The following WDFY3 variants were observed in gnomAD, a reference collection of about 807,000 sequenced individuals.
WDFY3 encodes the protein WD repeat and FYVE domain containing 3.
Under a neutral mutation model 409.6 loss-of-function variants are expected in WDFY3, and 66 were observed. The ratio of observed to expected loss-of-function variants is 0.16; its 90% CI spans 0.13 to 0.20. The LOEUF is 0.20. WDFY3 is among the 10% of genes least tolerant of loss of function. The pLI is 1.00. For missense variants in WDFY3, 3,031 were observed against 4,298.1 expected (o/e 0.71, Z 8.24); for synonymous variants, 1,521 against 1,537.1 (o/e 0.99, Z 0.25).
In WDFY3 at chr4:84,732,685, C is replaced by T. The variant is rs75805711; in HGVS notation, c.7221+697G>A. Among the ~76,000 whole-genome samples, 1,280 of 152,138 alleles carry T rather than the reference C, an allele frequency of 8.4e-3. 21 individuals are homozygous for T. Among genetic ancestry groups the T allele is most frequent in the African/African-American group, 0.029 (1,202 of 41,534 alleles). ...ACATAATGTCCTCCAGGTTCTTATA[C>T]GTTGTTACAAATGACAGGCTTTCCT... On this transcript the variant is annotated intron_variant, in intron 44 of 67. Transcript: ENST00000295888.
Position 84,692,894 on chromosome 4 carries a change from G to C in WDFY3, c.9040C>G (p.Pro3014Ala), listed in dbSNP as rs907308836. The C allele has an allele frequency of 6.2e-7, 1 of 1,606,056 alleles. No homozygotes were observed. The highest frequency in any genetic ancestry group is 8.5e-7 in the Non-Finnish European group (1 of 1,178,268). The change falls in exon 59 of 68, where the codon CCT (proline) becomes GCT (alanine). Residue 3014 changes from proline to alanine, a missense_variant. Physicochemically the swap from Pro to Ala is conservative, Grantham distance 27 (BLOSUM62 -1). Transcript: ENST00000295888. ...HLDNLRPSLT[P>A]VKELKEPVGQ... ...TTTCTCATTATTTTACCTTTTACAG[G>C]TGTTAGAGAAGGCCTCAAGTTGTCT...
intron 43 of WDFY3, 137 bp from the exon 44 acceptor site, chr4:84,733,746 A>C: frequency 1.2e-6 from 1 of 852,096 alleles, no homozygotes; most frequent in Non-Finnish European, 1.8e-6. Flanking sequence ...ATAAAAGTAA[A>C]ATTACATTTG....
chr4:84,737,697 G>T (rs1560629548), intron 40 of WDFY3, among the ~76,000 whole-genome samples: 1 of 152,148 alleles, frequency 6.6e-6, no homozygotes, highest in African/African-American at 2.4e-5. Context: ...TTTTAAATCT[G>T]AATGTTTAAG....
chr4:84,728,607 A>G (rs2149131906), intron 44 of WDFY3, among the ~76,000 whole-genome samples: 1 of 152,224 alleles, frequency 6.6e-6, no homozygotes, highest in African/African-American at 2.4e-5. Flanking sequence ...ACCAATTACT[A>G]ATGTCACACC....
intron 36 of WDFY3, among the ~76,000 whole-genome samples, chr4:84,748,057 C>G (rs1358458505): frequency 6.6e-6 from 1 of 152,144 alleles, no homozygotes; most frequent in Non-Finnish European, 1.5e-5. Flanking sequence ...ATACACAAAT[C>G]TGTTTGAGCT....
At chr4:84,802,547 C>T (rs1463289400) in intron 16 of WDFY3, among the ~76,000 whole-genome samples, 1 of 152,070 alleles carries the variant, frequency 6.6e-6, no homozygotes, top group Non-Finnish European at 1.5e-5. Flanking sequence ...GGATTACAGG[C>T]GTGAGCCACC....
chr4:84,942,628 A>G (rs1772286704), intron 1 of WDFY3, among the ~76,000 whole-genome samples: 1 of 152,222 alleles, frequency 6.6e-6, no homozygotes, highest in Non-Finnish European at 1.5e-5. Flanking sequence ...ACCAGGAATG[A>G]ATGAGAAGAA....
At chr4:84,912,723 T>C (rs1297421663) in intron 2 of WDFY3, among the ~76,000 whole-genome samples, 1 of 151,932 alleles carries the variant, frequency 6.6e-6, no homozygotes, top group African/African-American at 2.4e-5. Flanking sequence ...GTTTTTATTG[T>C]AGATGAAAGT....
intron 13 of WDFY3, 38 bp from the exon 14 acceptor site, chr4:84,810,382 A>C: frequency 7.2e-7 from 1 of 1,380,308 alleles, no homozygotes; most frequent in Non-Finnish European, 9.5e-7. Flanking sequence ...GAAAATACAC[A>C]TAATTCAAAA....
chr4:84,963,426 AAAGAAAAAAAAAAAAAGGTC>A (rs1158069468), intron 1 of WDFY3, among the ~76,000 whole-genome samples: 1 of 151,754 alleles, frequency 6.6e-6, no homozygotes, highest in Non-Finnish European at 1.5e-5. Context: ...CTCCATCTCA[AAAGAAAAAAAAAAAAAGGTC>A]AAGAAAAAAA....
chr4:84,708,810 G>C (rs1223531869), intron 53 of WDFY3, 99 bp downstream of exon 53: 1 of 1,347,798 alleles, frequency 7.4e-7, no homozygotes, highest in East Asian at 2.4e-5. Flanking sequence ...CAAAGTGCTA[G>C]GATTTTAGGG....
intron 4 of WDFY3, among the ~76,000 whole-genome samples, chr4:84,850,926 CTGTTTTTTTTTTTTTTTTTTTTTTT>C (rs1758859252): frequency 1.2e-4 from 4 of 32,162 alleles, no homozygotes; most frequent in East Asian, 1.3e-3. Context: ...TTTTATTTAT[CTGTTTTTTTTTTTTTTTTTTTTTTT>C]TTTTTTTTTT....
chr4:84,721,835 A>AAACAAC lies in WDFY3; in HGVS notation c.7442-269_7442-264dup, dbSNP rs376632842. Reference sequence around the variant, plus strand: ...GGCAACACAGCAAGATTCTGTCTTAAAACAACAACAACAACAACAACAACA... The same window carrying AAACAAC: ...GGCAACACAGCAAGATTCTGTCTTAAAACAACAACAACAACAACAACAACAACAACA... On this transcript the variant is annotated intron_variant, in intron 46 of 67. Coordinates refer to ENST00000295888, the MANE Select transcript of WDFY3 (RefSeq NM_014991.6). Among the ~76,000 whole-genome samples, 237 of 151,926 alleles carry AAACAAC rather than the reference A, an allele frequency of 1.6e-3. 1 individual carries two copies. Among genetic ancestry groups the AAACAAC allele is most frequent in the Admixed American group, 6.1e-3 (93 of 15,228 alleles).
At chr4:84,716,263 C>T (rs1733884604) in intron 49 of WDFY3, among the ~76,000 whole-genome samples, 1 of 150,474 alleles carries the variant, frequency 6.6e-6, no homozygotes, top group Admixed American at 6.7e-5. Flanking sequence ...TGGTGAAACC[C>T]CGTCTCTACT....
chr4:84,806,288 T>C (rs999347632), intron 15 of WDFY3, among the ~76,000 whole-genome samples: 1 of 152,204 alleles, frequency 6.6e-6, no homozygotes, highest in African/African-American at 2.4e-5. Flanking sequence ...GCAAAATGTA[T>C]GCAAGCTGAA....
At chr4:84,756,850 A>G in intron 33 of WDFY3, 76 bp downstream of exon 33, 1 of 1,406,054 alleles carries the variant, frequency 7.1e-7, no homozygotes, top group Non-Finnish European at 9.8e-7. Flanking sequence ...AGTTGGTTTT[A>G]CAGTGATTAT....
At chr4:84,860,683 T>C in intron 3 of WDFY3, 61 bp from the exon 4 acceptor site, 1 of 1,339,672 alleles carries the variant, frequency 7.5e-7, no homozygotes, top group Admixed American at 2.9e-5. Context: ...AGGTCAAGCA[T>C]GCATGTAAGA....
At chr4:84,792,465 G>T (rs114017793) in intron 21 of WDFY3, among the ~76,000 whole-genome samples, 7,529 of 152,280 alleles carry the variant, frequency 0.049, 267 homozygotes, top group Non-Finnish European at 0.075. Flanking sequence ...AAACATTTGT[G>T]AGAGTTTCAC....
intron 1 of WDFY3, among the ~76,000 whole-genome samples, chr4:84,961,644 C>A (rs1774933915): frequency 6.6e-6 from 1 of 151,724 alleles, no homozygotes; most frequent in Non-Finnish European, 1.5e-5. Flanking sequence ...TAACTGATGC[C>A]CAAGCTAAAG....
Sources: gnomAD v4.1 joint callset for allele counts (sites outside exome capture counted in the v4.1 genomes callset) on GRCh38, gnomAD v4.1.1 for gene constraint, MANE v1.5 for transcripts, NCBI Gene and HGNC (gene_info 2026-07-23, HGNC 2026-07-21) for gene names.